MINDY2: variants seen among roughly 807,000 people sequenced by gnomAD.
The protein encoded by MINDY2 is ubiquitin carboxyl-terminal hydrolase MINDY-2.
A neutral mutation model predicts 68.2 loss-of-function variants in MINDY2; 52 were observed. The ratio of observed to expected loss-of-function variants is 0.76; its 90% confidence interval spans 0.61 to 0.96. MINDY2 has a LOEUF of 0.96. Ranked by LOEUF, MINDY2 falls within the 40% of genes least tolerant of loss-of-function variation. The probability of loss-of-function intolerance (pLI) is 0.00; values close to 1 mark genes in which losing one functional copy is unlikely to be tolerated. For synonymous variants in MINDY2, 372 were observed against 303.0 expected (o/e 1.23, Z -2.36); for missense variants, 881 against 773.4 (o/e 1.14, Z -1.65).
At chr15:58,806,939 A>G (rs986883230) in intron 3 of MINDY2, among the ~76,000 whole-genome samples, 2 of 152,240 alleles carry the variant, frequency 1.3e-5, no homozygotes, top group Admixed American at 1.3e-4. Context: ...ACTGCAGTAT[A>G]ACAATGTTAT....
In MINDY2 at chr15:58,854,726, G is replaced by GT. The variant is rs1157868966; in HGVS notation, c.*122dup. 3.0e-5 allele frequency: 37 copies of GT among 1,245,074 alleles called. No individual in the cohort carries two copies. Among genetic ancestry groups the GT allele is most frequent in the Non-Finnish European group, 3.6e-5 (33 of 919,874 alleles). 77.1% of individuals were successfully genotyped at this position (1,245,074 alleles called of 1,614,324 possible). A position where few individuals can be genotyped will look rare whatever the true frequency, so the allele number is the denominator to read the frequency against. Reference sequence around the variant, plus strand: ...CCTGATTTCCTAATGGATTTTGTTCGTTTTTTCAGGGGAACGGTTGTTACT... The same window carrying GT: ...CCTGATTTCCTAATGGATTTTGTTCGTTTTTTTCAGGGGAACGGTTGTTACT... On this transcript the variant is annotated 3_prime_UTR_variant, in exon 9 of 9. Coordinates refer to ENST00000559228, the MANE Select transcript of MINDY2 (RefSeq NM_001040450.3).
At chr15:58,827,382 T>G (rs74021013) in intron 5 of MINDY2, among the ~76,000 whole-genome samples, 4,267 of 152,232 alleles carry the variant, frequency 0.028, 217 homozygotes, top group African/African-American at 0.095. Context: ...TAGTTGTTAT[T>G]CTTCTGTAAC....
intron 2 of MINDY2, among the ~76,000 whole-genome samples, chr15:58,795,082 A>G (rs534910509): frequency 6.6e-6 from 1 of 152,092 alleles, no homozygotes; most frequent in East Asian, 2.0e-4. Flanking sequence ...AGGCGGAGGC[A>G]GGAGAATAGC....
At chr15:58,828,914 CTTAAT>C (rs1172697699) in intron 5 of MINDY2, among the ~76,000 whole-genome samples, 1 of 151,878 alleles carries the variant, frequency 6.6e-6, no homozygotes, top group Non-Finnish European at 1.5e-5. Flanking sequence ...GAAAATAAGG[CTTAAT>C]TTAAATTTAT....
At chr15:58,780,241 C>T (rs1411329327) in intron 1 of MINDY2, among the ~76,000 whole-genome samples, 1 of 151,948 alleles carries the variant, frequency 6.6e-6, no homozygotes, top group Non-Finnish European at 1.5e-5. Context: ...CCCTTCTCTA[C>T]TAAAAATACA....
At chr15:58,798,346 C>T (rs980514896) in intron 2 of MINDY2, among the ~76,000 whole-genome samples, 2 of 150,112 alleles carry the variant, frequency 1.3e-5, no homozygotes, top group Non-Finnish European at 3.0e-5. Context: ...AGGCTGATCT[C>T]GAACTCCTGA....
chr15:58,804,746 G>C (rs1196727897), intron 3 of MINDY2, among the ~76,000 whole-genome samples: 1 of 151,954 alleles, frequency 6.6e-6, no homozygotes, highest in Non-Finnish European at 1.5e-5. Context: ...GGCAGAGGTT[G>C]CTGTGAGCCA....
Position 58,812,735 on chromosome 15 carries a change from G to C in MINDY2, c.1122+2347G>C, listed in dbSNP as rs1231149482. ...TAGCTAGGCATGATGGAACATGCCTGTAGTCCCAGCTATTCAGGAAGCTGA... is the reference window on the plus strand; with the variant it reads ...TAGCTAGGCATGATGGAACATGCCTCTAGTCCCAGCTATTCAGGAAGCTGA... On this transcript the variant is annotated intron_variant, in intron 4 of 8. Transcript: ENST00000559228. Among the ~76,000 whole-genome samples the C allele has an allele frequency of 3.3e-5, 5 of 152,296 alleles. No homozygotes were observed. In the East Asian group the frequency reaches 7.7e-4, roughly 24 times the overall value.
At position 58,771,738 on chromosome 15, in the gene MINDY2, G is replaced by A; in HGVS notation, c.343G>A (p.Ala115Thr). 6.2e-7 allele frequency: 1 copy of A among 1,611,886 alleles called. No individual in the cohort carries two copies. Among genetic ancestry groups the A allele is most frequent in the Non-Finnish European group, 8.5e-7 (1 of 1,179,630 alleles). Residue 115 changes from alanine (A) to threonine (T), a missense_variant, in exon 1 of 9, where the codon GCC (alanine) becomes ACC (threonine). Coordinates refer to ENST00000559228, the MANE Select transcript of MINDY2 (RefSeq NM_001040450.3). ...QYKVTASPET[A>T]VAGVGHELGT... ...CAAGGTGACCGCCTCCCCGGAGACA[G>A]CCGTGGCCGGAGTGGGTCATGAGTT...
chr15:58,821,527 A>G (rs1462987383), intron 4 of MINDY2, among the ~76,000 whole-genome samples, 190 bp from the exon 5 acceptor site: 5 of 152,142 alleles, frequency 3.3e-5, no homozygotes, highest in Admixed American at 6.6e-5. Flanking sequence ...ATTTTTCATA[A>G]TGTGTCCTAC....
At chr15:58,854,359 C>CA in intron 8 of MINDY2, 123 bp from the exon 9 acceptor site, 2 of 1,040,826 alleles carry the variant, frequency 1.9e-6, no homozygotes, top group Non-Finnish European at 1.4e-6. Flanking sequence ...ATCTGTATGC[C>CA]AATAGCTAGC....
intron 4 of MINDY2, among the ~76,000 whole-genome samples, chr15:58,816,753 C>T (rs1175527067): frequency 1.3e-5 from 2 of 152,110 alleles, no homozygotes; most frequent in African/African-American, 4.8e-5. Flanking sequence ...AAACTGTTTC[C>T]TACAACTCAC....
At chr15:58,842,231 C>A (rs1272858073) in intron 6 of MINDY2, among the ~76,000 whole-genome samples, 1 of 151,990 alleles carries the variant, frequency 6.6e-6, no homozygotes, top group African/African-American at 2.4e-5. Context: ...TATTCAGTCC[C>A]AACGTTTTTG....
intron 2 of MINDY2, among the ~76,000 whole-genome samples, chr15:58,794,975 C>T (rs1435247153): frequency 3.3e-5 from 5 of 151,316 alleles, no homozygotes; most frequent in African/African-American, 1.2e-4. Context: ...ATCACGAGGT[C>T]AGGAGATCGA....
chr15:58,855,213 G>A lies in MINDY2; in HGVS notation c.*603G>A, dbSNP rs1404196989. ...GGTATTATCTTGATCATGGAGCTTA[G>A]TTTTAATTTAGATAGCAAAAATAAA... On this transcript the variant is annotated 3_prime_UTR_variant, in exon 9 of 9. Transcript: ENST00000559228. 1 of 152,594 alleles carries A rather than the reference G, an allele frequency of 6.6e-6. No individual in the cohort carries two copies. Among genetic ancestry groups the A allele is most frequent in the Non-Finnish European group, 1.5e-5 (1 of 68,038 alleles). The allele number at this position is 152,594 out of a possible 1,614,324, so 9.5% of individuals were successfully genotyped here.
chr15:58,829,776 A>C (rs892562101), intron 5 of MINDY2, among the ~76,000 whole-genome samples: 1 of 152,208 alleles, frequency 6.6e-6, no homozygotes, highest in Non-Finnish European at 1.5e-5. Context: ...TTGTACTTCT[A>C]TCATAACAAA....
chr15:58,832,954 G>T (rs1487212150), intron 6 of MINDY2, among the ~76,000 whole-genome samples: 1 of 152,180 alleles, frequency 6.6e-6, no homozygotes, highest in Non-Finnish European at 1.5e-5. Context: ...AAACTTTAAT[G>T]ACTTTAATGT....
intron 6 of MINDY2, among the ~76,000 whole-genome samples, chr15:58,839,149 T>C (rs1481740771): frequency 6.6e-6 from 1 of 152,126 alleles, no homozygotes; most frequent in Non-Finnish European, 1.5e-5. Flanking sequence ...TCTTTTGTCA[T>C]CCAGAGTCTT....
chr15:58,848,236 T>A (rs1395930901), intron 7 of MINDY2, among the ~76,000 whole-genome samples: 5 of 152,164 alleles, frequency 3.3e-5, no homozygotes, highest in Admixed American at 3.3e-4. Flanking sequence ...TATATTTCAC[T>A]CATAACAATT....
Sources: allele counts gnomAD v4.1 joint callset (sites outside exome capture counted in the v4.1 genomes callset), GRCh38; gene constraint gnomAD v4.1.1; transcripts MANE v1.5; gene names NCBI Gene and HGNC (gene_info 2026-07-23, HGNC 2026-07-21).